AXDND1: variants seen among roughly 807,000 people sequenced by gnomAD.
AXDND1 encodes the protein axonemal dynein light chain domain containing 1, also known as axonemal dynein light chain domain-containing protein 1.
Under a neutral mutation model 137.5 loss-of-function variants are expected in AXDND1, and 110 were observed. The observed-to-expected ratio is 0.80, with a 90% CI of 0.69 to 0.94. The LOEUF (loss-of-function observed/expected upper bound fraction) is 0.94. Among genes scored for constraint, AXDND1 ranks in the 40% least tolerant of loss-of-function variants. The pLI, the probability that AXDND1 is intolerant of heterozygous loss-of-function variation, is 0.00. For missense variants in AXDND1, 1,191 were observed against 1,169.8 expected (o/e 1.02, Z -0.26); for synonymous variants, 414 against 399.7 (o/e 1.04, Z -0.43).
At chr1:179,451,280 A>G (rs907418538) in intron 16 of AXDND1, 2 of 151,132 alleles carry the variant, frequency 1.3e-5, no homozygotes, top group African/African-American at 2.4e-5. Flanking sequence ...AGGTCTATCT[A>G]TATTGTCTTT....
chr1:179,366,480 T>C lies in AXDND1; in HGVS notation c.-30T>C, dbSNP rs779385709. ...TAGCTTTCCGGAGGACTATTTCAAA[T>C]TACTAAAGAGATAGGAGGCATTGTT... On this transcript the variant is annotated 5_prime_UTR_variant, in exon 2 of 26. Transcript: ENST00000367618. The C allele has an allele frequency of 6.4e-7, 1 of 1,561,706 alleles. No homozygotes were observed. The highest frequency in any genetic ancestry group is 1.1e-5 in the South Asian group (1 of 89,876).
At chr1:179,407,636 T>C (rs1653185490) in intron 11 of AXDND1, among the ~76,000 whole-genome samples, 1 of 152,186 alleles carries the variant, frequency 6.6e-6, no homozygotes, top group Admixed American at 6.5e-5. Context: ...TAACTTGATG[T>C]TTTTCTCTTG....
At chr1:179,470,828 T>C (rs1275978132) in intron 17 of AXDND1, among the ~76,000 whole-genome samples, 1 of 152,172 alleles carries the variant, frequency 6.6e-6, no homozygotes, top group Non-Finnish European at 1.5e-5. Flanking sequence ...GTTGTTCCTA[T>C]TCTTATGGGA....
At chr1:179,537,430 T>G (rs1184431795) in intron 25 of AXDND1, among the ~76,000 whole-genome samples, 1 of 152,208 alleles carries the variant, frequency 6.6e-6, no homozygotes, top group South Asian at 2.1e-4. Flanking sequence ...TGAAGGCCTT[T>G]TCTGCATCTA....
At chr1:179,532,295 AGTAGT>A (rs1671108075) in intron 23 of AXDND1, among the ~76,000 whole-genome samples, 1 of 152,194 alleles carries the variant, frequency 6.6e-6, no homozygotes, top group African/African-American at 2.4e-5. Context: ...GCACGCAGGT[AGTAGT>A]GGACAATCCT....
chr1:179,529,427 A>G (rs936516706), intron 23 of AXDND1, among the ~76,000 whole-genome samples: 7 of 152,254 alleles, frequency 4.6e-5, no homozygotes, highest in African/African-American at 1.7e-4. Flanking sequence ...GAGAAAAGGC[A>G]TATAAATTTG....
chr1:179,493,055 C>A, intron 20 of AXDND1, 104 bp downstream of exon 20: 2 of 757,894 alleles, frequency 2.6e-6, no homozygotes, highest in Non-Finnish European at 4.2e-6. Flanking sequence ...TTAAAGAATA[C>A]AATCTTATAA....
At position 179,539,777 on chromosome 1, in the gene AXDND1, A is replaced by G. The variant is rs549788703; in HGVS notation, c.3031+4815A>G. Among the ~76,000 whole-genome samples, 8 of 152,254 alleles carry G rather than the reference A, an allele frequency of 5.3e-5. No homozygotes were observed. The South Asian group carries it at 1.7e-3, about 32-fold the overall frequency. ...GAAGTTCTCCTGGATAATATCCTGA[A>G]GAGTGTTTTCTAACTTGATTCCATT... On this transcript the variant is annotated intron_variant, in intron 25 of 25. Transcript: ENST00000367618.
chr1:179,472,984 T>C (rs1192602621), intron 17 of AXDND1, among the ~76,000 whole-genome samples: 2 of 152,172 alleles, frequency 1.3e-5, no homozygotes, highest in African/African-American at 4.8e-5. Context: ...ATTGGATTGT[T>C]AAATCCATTT....
chr1:179,502,302 C>T (rs570798948), intron 20 of AXDND1, among the ~76,000 whole-genome samples: 46 of 152,240 alleles, frequency 3.0e-4, no homozygotes, highest in Admixed American at 8.5e-4. Flanking sequence ...TGGTGGCTTA[C>T]GCCTGTAATC....
At chr1:179,549,547 A>T (rs557201630) in intron 25 of AXDND1, among the ~76,000 whole-genome samples, 6 of 152,158 alleles carry the variant, frequency 3.9e-5, no homozygotes, top group Non-Finnish European at 7.4e-5. Context: ...ATAAGGAAGT[A>T]TGAAGAGTCA....
chr1:179,373,974 A>G (rs1037646327), intron 4 of AXDND1, among the ~76,000 whole-genome samples: 5 of 152,246 alleles, frequency 3.3e-5, no homozygotes, highest in African/African-American at 4.8e-5. Flanking sequence ...AAAATTGACA[A>G]ATGGTATCTA....
At chr1:179,441,306 TA>T (rs907482412) in intron 15 of AXDND1, among the ~76,000 whole-genome samples, 7 of 152,236 alleles carry the variant, frequency 4.6e-5, no homozygotes, top group Non-Finnish European at 8.8e-5. Context: ...CATTCCTTTT[TA>T]AAATGTCCAG....
chr1:179,437,161 G>C lies in AXDND1; in HGVS notation c.1563+4819G>C, dbSNP rs541998802. On this transcript the variant is annotated intron_variant, in intron 15 of 25. Transcript: ENST00000367618. Reference sequence around the variant, plus strand: ...ACAGACCTAGGGGGACTGAACAAAGGGGGGCAAATGTGGGAATAAAAGACA... The same window carrying C: ...ACAGACCTAGGGGGACTGAACAAAGCGGGGCAAATGTGGGAATAAAAGACA... Among the ~76,000 whole-genome samples the C allele has an allele frequency of 3.3e-5, 5 of 152,060 alleles. No homozygotes were observed. The South Asian group carries it at 6.2e-4, about 19-fold the overall frequency.
chr1:179,402,686 C>G lies in AXDND1; in HGVS notation c.1109+7484C>G, dbSNP rs184937032. 1.2e-4 allele frequency among the ~76,000 whole-genome samples: 18 copies of G among 152,254 alleles called. No homozygotes were observed. The East Asian group carries it at 3.5e-3, about 29-fold the overall frequency. ...CCATCTTAAAAACAAAAAACACAAACAAAAATGTCCCAGGTCTCTTAGAAC... is the reference window on the plus strand; with the variant it reads ...CCATCTTAAAAACAAAAAACACAAAGAAAAATGTCCCAGGTCTCTTAGAAC... On this transcript the variant is annotated intron_variant, in intron 11 of 25. Coordinates refer to ENST00000367618, the MANE Select transcript of AXDND1 (RefSeq NM_144696.6).
At chr1:179,473,717 G>A (rs1336702725) in intron 17 of AXDND1, among the ~76,000 whole-genome samples, 1 of 152,124 alleles carries the variant, frequency 6.6e-6, no homozygotes, top group South Asian at 2.1e-4. Context: ...TAGATCATGA[G>A]AGCAGTTACC....
chr1:179,480,026 A>G (rs936367830), intron 17 of AXDND1, among the ~76,000 whole-genome samples: 3 of 152,186 alleles, frequency 2.0e-5, no homozygotes, highest in Non-Finnish European at 4.4e-5. Flanking sequence ...ACAAGTGTCT[A>G]GGAAGTTCTA....
intron 24 of AXDND1, 99 bp downstream of exon 24, chr1:179,533,976 C>G: frequency 1.1e-6 from 1 of 943,986 alleles, no homozygotes. Context: ...GGCTCTCCTG[C>G]TTTCTTTATC....
chr1:179,478,387 A>C (rs538243178), intron 17 of AXDND1, among the ~76,000 whole-genome samples: 2 of 152,216 alleles, frequency 1.3e-5, no homozygotes, highest in Non-Finnish European at 2.9e-5. Context: ...ATCTAGGCAA[A>C]GGTTCCCAAA....
Sources: gnomAD v4.1 joint callset for allele counts (sites outside exome capture counted in the v4.1 genomes callset) on GRCh38, gnomAD v4.1.1 for gene constraint, MANE v1.5 for transcripts, NCBI Gene and HGNC (gene_info 2026-07-23, HGNC 2026-07-21) for gene names.